SYNJ2: variants seen among roughly 807,000 people sequenced by gnomAD.
The protein encoded by SYNJ2 is synaptojanin 2.
In SYNJ2, 116 loss-of-function variants were observed where a neutral mutation model predicts 141.3. The observed-to-expected ratio is 0.82, with a 90% CI of 0.71 to 0.96. The LOEUF (loss-of-function observed/expected upper bound fraction) is 0.96, where lower values mean the gene tolerates loss of function less well. Among genes scored for constraint, SYNJ2 ranks in the 40% least tolerant of loss-of-function variants. SYNJ2 has a pLI of 0.00. For missense variants in SYNJ2, 1,873 were observed against 1,934.8 expected, an observed-to-expected ratio of 0.97 and a Z score of 0.60; for synonymous variants, 745 against 777.7, an observed-to-expected ratio of 0.96 and a Z score of 0.70.
intron 13 of SYNJ2, among the ~76,000 whole-genome samples, chr6:158,069,131 C>T (rs747638285): frequency 6.6e-6 from 1 of 152,084 alleles, no homozygotes; most frequent in Non-Finnish European, 1.5e-5. Flanking sequence ...GGAAGAGGTA[C>T]TTTCTTCCTG....
chr6:158,093,814 G>A (rs969178626), intron 26 of SYNJ2: 12 of 728,976 alleles, frequency 1.6e-5, no homozygotes, highest in Middle Eastern at 2.3e-4. Context: ...TCCCAGATTC[G>A]CCATGTTCAC....
At chr6:158,095,162 A>G (rs1783725738) in intron 26 of SYNJ2, among the ~76,000 whole-genome samples, 1 of 152,092 alleles carries the variant, frequency 6.6e-6, no homozygotes, top group Non-Finnish European at 1.5e-5. Context: ...AAAAAAAAAA[A>G]AATTCAAGGA....
chr6:158,056,628 CT>C (rs1780885420), intron 6 of SYNJ2, among the ~76,000 whole-genome samples: 1 of 152,198 alleles, frequency 6.6e-6, no homozygotes, highest in African/African-American at 2.4e-5. Context: ...GAGGGTCCCC[CT>C]GAAAGCAGGC....
rs144462892 is a variant in SYNJ2, at chr6:158,081,145, A to G, written c.2604A>G (p.Glu868=). The change falls in exon 19 of 27, where the codon GAA becomes GAG. Residue 868 remains glutamate, a synonymous_variant. Coordinates refer to ENST00000355585, the MANE Select transcript of SYNJ2 (RefSeq NM_003898.4). ...CGATCGTGGAGGTGGAAGTTCAGGAAGTCGATGTGGGTGCTCGGGAGAGGG... is the reference window on the plus strand; with the variant it reads ...CGATCGTGGAGGTGGAAGTTCAGGAGGTCGATGTGGGTGCTCGGGAGAGGG... ...VLAIVEVEVQ[E]VDVGARERVF... is the part of the protein sequence containing the mutation. 6.2e-7 allele frequency: 1 copy of G among 1,614,132 alleles called. No homozygotes were observed. Among genetic ancestry groups the G allele is most frequent in the Non-Finnish European group, 8.5e-7 (1 of 1,180,026 alleles).
intron 1 of SYNJ2, among the ~76,000 whole-genome samples, chr6:157,988,565 G>A (rs1024897831): frequency 6.6e-5 from 10 of 152,198 alleles, no homozygotes; most frequent in African/African-American, 2.4e-4. Flanking sequence ...CTCTTCTGGA[G>A]CGTTCCTGGG....
chr6:158,069,684 T>C lies in SYNJ2; in HGVS notation c.1940+11T>C, dbSNP rs776536659. The C allele has an allele frequency of 6.2e-7, 1 of 1,603,804 alleles. No homozygotes were observed. The highest frequency in any genetic ancestry group is 1.3e-5 in the African/African-American group (1 of 74,716). On this transcript the variant is annotated intron_variant, in intron 14 of 26. Transcript: ENST00000355585. The stretch of plus-strand genomic sequence containing the variant: ...TGTCCCGTTCATCAGGTAAGAACAT[T>C]CTGTTTACACACATCTGGGGAACAA...
At chr6:158,068,553 G>T (rs1250431526) in intron 12 of SYNJ2, 94 bp from the exon 13 acceptor site, 1 of 1,393,384 alleles carries the variant, frequency 7.2e-7, no homozygotes, top group Non-Finnish European at 1.0e-6. Flanking sequence ...GCAGTGGACA[G>T]CATGACTCGG....
In SYNJ2 at chr6:158,027,160, A is replaced by C; in HGVS notation, c.215-1596A>C. 3 of 985,320 alleles carry C rather than the reference A, an allele frequency of 3.0e-6. No individual in the cohort carries two copies. The highest frequency in any genetic ancestry group is 3.6e-6 in the Non-Finnish European group (3 of 829,874). The allele number at this position is 985,320 out of a possible 1,614,324, so 61.0% of individuals were successfully genotyped here. ...ACAAGCAGCGCTCTTCTCCCTATGA[A>C]GTGTGGTGAGGAAATTGGGGTGAGA... On this transcript the variant is annotated intron_variant, in intron 2 of 26. Coordinates refer to ENST00000355585, the MANE Select transcript of SYNJ2 (RefSeq NM_003898.4). The surrounding 1 kb of genome is among the most constrained non-coding windows in gnomAD (Gnocchi z 4.6).
rs1278709389 is a variant in SYNJ2, at chr6:158,081,629, TTTTTTTC to T, written c.2865+121_2865+127del. On this transcript the variant is annotated intron_variant, in intron 20 of 26. Coordinates refer to ENST00000355585, the MANE Select transcript of SYNJ2 (RefSeq NM_003898.4). ...CCTTTTTTTTTTTTTTTTTTTTTTT[TTTTTTTC>T]TCTGAGACAAAGTCTTGCTCTGTCA... 1.5e-4 allele frequency: 62 copies of T among 416,604 alleles called. No individual in the cohort carries two copies. The African/African-American group carries it at 1.8e-3, about 12-fold the overall frequency. The allele number at this position is 416,604 out of a possible 1,614,324, so 25.8% of individuals were successfully genotyped here.
At chr6:158,049,726 A>G (rs571475928) in intron 5 of SYNJ2, among the ~76,000 whole-genome samples, 2 of 152,006 alleles carry the variant, frequency 1.3e-5, no homozygotes, top group Admixed American at 1.3e-4. Flanking sequence ...CTCTGCTGGT[A>G]TGCATGCAGC....
intron 6 of SYNJ2, among the ~76,000 whole-genome samples, chr6:158,058,888 G>A (rs1017264451): frequency 2.6e-5 from 4 of 152,214 alleles, no homozygotes; most frequent in African/African-American, 7.2e-5. Context: ...AGCTATGATC[G>A]TGCCACTGCA....
At chr6:157,997,036 C>G (rs59755802) in intron 1 of SYNJ2, among the ~76,000 whole-genome samples, 2,676 of 145,906 alleles carry the variant, frequency 0.018, 81 homozygotes, top group African/African-American at 0.066. Context: ...CACCCCCCCC[C>G]ACCCAGCTTC....
At chr6:158,030,227 A>G (rs1274725508) in intron 3 of SYNJ2, among the ~76,000 whole-genome samples, 1 of 152,208 alleles carries the variant, frequency 6.6e-6, no homozygotes, top group Non-Finnish European at 1.5e-5. Context: ...ATGCCTAGAG[A>G]TGCCAGGTAG....
chr6:158,088,033 AATTTTTTTTTTTTTTTTTTTTTTTTTTT>A (rs1783185848), intron 23 of SYNJ2, among the ~76,000 whole-genome samples: 1 of 36,816 alleles, frequency 2.7e-5, no homozygotes, highest in Non-Finnish European at 5.8e-5. Context: ...CCTGCTTTGG[AATTTTTTTTTTTTTTTTTTTTTTTTTTT>A]TTTTTTTTTT....
intron 5 of SYNJ2, among the ~76,000 whole-genome samples, chr6:158,047,390 G>A (rs990450965): frequency 2.0e-5 from 3 of 152,150 alleles, no homozygotes; most frequent in Non-Finnish European, 4.4e-5. Context: ...TGTTTGAGAG[G>A]CTCTTATCTG....
At chr6:158,036,267 C>T (rs751476932) in intron 4 of SYNJ2, among the ~76,000 whole-genome samples, 15 of 152,168 alleles carry the variant, frequency 9.9e-5, no homozygotes, top group African/African-American at 2.7e-4. Context: ...AACGCTCATA[C>T]GCTGTTGGTG....
In SYNJ2 at chr6:158,064,841, G is replaced by A. The variant is rs966676878; in HGVS notation, c.1375G>A (p.Asp459Asn). 2 of 1,609,590 alleles carry A rather than the reference G, an allele frequency of 1.2e-6. No homozygotes were observed. The highest frequency in any genetic ancestry group is 1.7e-6 in the Non-Finnish European group (2 of 1,176,824). ...EGKAKVGKLKDGARSMSRTIQ... is the reference protein window; with the variant it reads ...EGKAKVGKLKNGARSMSRTIQ... ...CTCTCGGCAGGTGGGGAAGCTGAAG[G>A]ATGGAGCCCGGTCCATGTCTCGAAC... is the stretch of plus-strand genomic sequence containing the variant. The change falls in exon 11 of 27, where the codon GAT (aspartate) becomes AAT (asparagine). Residue 459 changes from aspartate to asparagine, a missense_variant. Coordinates refer to ENST00000355585, the MANE Select transcript of SYNJ2 (RefSeq NM_003898.4).
intron 2 of SYNJ2, among the ~76,000 whole-genome samples, chr6:158,022,285 A>G (rs932984678): frequency 1.3e-5 from 2 of 152,214 alleles, no homozygotes; most frequent in Non-Finnish European, 2.9e-5. Flanking sequence ...GGCACAGACC[A>G]GGCTGGGAAG....
At chr6:158,045,536 G>A (rs1173850778) in intron 5 of SYNJ2, among the ~76,000 whole-genome samples, 1 of 152,172 alleles carries the variant, frequency 6.6e-6, no homozygotes, top group Non-Finnish European at 1.5e-5. Context: ...ACTCTAGAGT[G>A]TTTTGGGGTG....
Sources: gnomAD v4.1 joint callset for allele counts (sites outside exome capture counted in the v4.1 genomes callset) on GRCh38, gnomAD v4.1.1 for gene constraint, Gnocchi (gnomAD v3.1) non-coding constraint, MANE v1.5 for transcripts, NCBI Gene and HGNC (gene_info 2026-07-23, HGNC 2026-07-21) for gene names.